Variants in WWOX observed in about 807,000 individuals in gnomAD.
WWOX encodes the protein WW domain containing oxidoreductase.
Under a neutral mutation model 46.2 loss-of-function variants are expected in WWOX, and 69 were observed. That is an observed-to-expected ratio of 1.49 (90% confidence interval 1.23 to 1.82). WWOX has a LOEUF of 1.82. Ranked by LOEUF, WWOX falls within the 40% of genes most tolerant of loss-of-function variation. WWOX has a pLI of 0.00. For synonymous variants in WWOX, 359 were observed against 202.6 expected, an observed-to-expected ratio of 1.77 and a Z score of -6.56; for missense variants, 919 against 542.6, an observed-to-expected ratio of 1.69 and a Z score of -6.89.
intron 8 of WWOX, among the ~76,000 whole-genome samples, chr16:78,910,237 A>C (rs2045073695): frequency 6.7e-6 from 1 of 150,166 alleles, no homozygotes. Flanking sequence ...GGAGATTTAC[A>C]AGCCAGTGCA....
chr16:78,535,197 A>G (rs567938221), intron 8 of WWOX: 4 of 152,342 alleles, frequency 2.6e-5, no homozygotes, highest in African/African-American at 9.6e-5. Flanking sequence ...GCAGATGGAC[A>G]CAGGATCTGC....
intron 8 of WWOX, among the ~76,000 whole-genome samples, chr16:78,669,555 C>G (rs1313756136): frequency 2.0e-5 from 3 of 152,194 alleles, no homozygotes; most frequent in Non-Finnish European, 4.4e-5. Context: ...TTACCTACCC[C>G]CAAAATGTCA....
chr16:78,364,838 C>G (rs1193527073), intron 5 of WWOX, among the ~76,000 whole-genome samples: 2 of 152,278 alleles, frequency 1.3e-5, no homozygotes, highest in East Asian at 3.9e-4. Context: ...AAGGTGTTTT[C>G]TGTGCTTTTT....
intron 4 of WWOX, among the ~76,000 whole-genome samples, chr16:78,135,698 A>G (rs1347716029): frequency 6.6e-6 from 1 of 152,036 alleles, no homozygotes; most frequent in Non-Finnish European, 1.5e-5. Context: ...AAAAAACAAA[A>G]CAACAACAAC....
intron 8 of WWOX, among the ~76,000 whole-genome samples, chr16:78,991,140 C>G (rs1347440100): frequency 1.3e-5 from 2 of 152,188 alleles, no homozygotes; most frequent in South Asian, 4.1e-4. Flanking sequence ...CTTACTAAGT[C>G]ATTGATGGCA....
At chr16:78,310,361 G>A (rs1402337692) in intron 5 of WWOX, among the ~76,000 whole-genome samples, 1 of 152,170 alleles carries the variant, frequency 6.6e-6, no homozygotes, top group Non-Finnish European at 1.5e-5. Flanking sequence ...CACACAGCCT[G>A]CACTATGTTT....
At chr16:78,493,739 G>C (rs991651182) in intron 8 of WWOX, among the ~76,000 whole-genome samples, 1 of 152,138 alleles carries the variant, frequency 6.6e-6, no homozygotes, top group African/African-American at 2.4e-5. Context: ...CCCCATTGTA[G>C]AGATGAGAAA....
chr16:78,388,389 G>C (rs1436527379), intron 6 of WWOX, among the ~76,000 whole-genome samples: 1 of 152,138 alleles, frequency 6.6e-6, no homozygotes, highest in Admixed American at 6.5e-5. Flanking sequence ...GCTTATGCCT[G>C]TAATCCCAGC....
Position 78,624,597 on chromosome 16 carries a change from T to G in WWOX, c.1056+191845T>G, listed in dbSNP as rs2046267574. Among the ~76,000 whole-genome samples the G allele has an allele frequency of 3.3e-5, 5 of 152,336 alleles. 1 individual carries two copies. In the South Asian group the frequency reaches 1.0e-3, roughly 32 times the overall value. On this transcript the variant is annotated intron_variant, in intron 8 of 8. Transcript: ENST00000566780. ...TAATAGCATACTGAACCCATCTAAC[T>G]TGGCAGAAATTCAGAAAATCACTCA... is the stretch of plus-strand genomic sequence containing the variant.
At chr16:79,049,141 G>C (rs972863024) in intron 8 of WWOX, among the ~76,000 whole-genome samples, 3 of 152,198 alleles carry the variant, frequency 2.0e-5, no homozygotes, top group Admixed American at 2.0e-4. Context: ...TTTAGACTTT[G>C]TGACCCATAC....
At chr16:79,105,050 A>G (rs1289634260) in intron 8 of WWOX, among the ~76,000 whole-genome samples, 2 of 152,118 alleles carry the variant, frequency 1.3e-5, no homozygotes, top group African/African-American at 4.8e-5. Context: ...TTCAGTTTAC[A>G]AAAGTGGAAA....
At chr16:78,554,960 G>A (rs76316929) in intron 8 of WWOX, among the ~76,000 whole-genome samples, 1,611 of 152,164 alleles carry the variant, frequency 0.011, 24 homozygotes, top group African/African-American at 0.036. Flanking sequence ...CTCCCACAAA[G>A]CACTGAGTAA....
intron 8 of WWOX, among the ~76,000 whole-genome samples, chr16:78,886,543 C>T (rs2044461714): frequency 6.6e-6 from 1 of 151,372 alleles, no homozygotes; most frequent in Non-Finnish European, 1.5e-5. Context: ...TCTAGAATTT[C>T]ATCTCACATC....
chr16:78,655,713 C>T (rs1439577037), intron 8 of WWOX, among the ~76,000 whole-genome samples: 1 of 152,062 alleles, frequency 6.6e-6, no homozygotes, highest in African/African-American at 2.4e-5. Context: ...TTTACTATTT[C>T]CTGGCTGTGG....
rs973329465 is a variant in WWOX, at chr16:78,536,192, G to T, written c.1056+103440G>T. 2.0e-5 allele frequency among the ~76,000 whole-genome samples: 3 copies of T among 151,934 alleles called. No individual in the cohort carries two copies. In the South Asian group the frequency reaches 6.2e-4, roughly 32 times the overall value. On this transcript the variant is annotated intron_variant, in intron 8 of 8. Transcript: ENST00000566780. ...ACCACCCCCAGAGTACACATGCATG[G>T]GTGTAATTTGGTGCCATTCTCCTCC...
intron 8 of WWOX, among the ~76,000 whole-genome samples, chr16:78,476,934 T>C (rs569157301): frequency 6.6e-6 from 1 of 152,190 alleles, no homozygotes; most frequent in South Asian, 2.1e-4. Flanking sequence ...CCGTCCTTCC[T>C]CCTTCAGTTC....
intron 8 of WWOX, among the ~76,000 whole-genome samples, chr16:79,135,343 G>A (rs1597405900): frequency 1.3e-5 from 2 of 151,818 alleles, no homozygotes; most frequent in Admixed American, 1.3e-4. Context: ...TAATTTTATG[G>A]ATTACATTTA....
intron 5 of WWOX, among the ~76,000 whole-genome samples, chr16:78,317,857 C>A (rs535619761): frequency 6.6e-6 from 1 of 152,282 alleles, no homozygotes; most frequent in South Asian, 2.1e-4. Context: ...TACTATCATT[C>A]ATTTTCACTC....
Position 78,431,683 on chromosome 16 carries a change from A to G in WWOX, c.792-805A>G, listed in dbSNP as rs536850280. Among the ~76,000 whole-genome samples the G allele has an allele frequency of 2.1e-3, 253 of 123,314 alleles. 1 individual carries two copies. The highest frequency in any genetic ancestry group is 7.2e-3 in the African/African-American group (233 of 32,514). 80.9% of individuals were successfully genotyped at this position (123,314 alleles called of 152,430 possible). ...GGTCTTTATTGAAGTCTCTCTTTGT[A>G]GCCAATCCTTTTTTTTTTTTTAATT... On this transcript the variant is annotated intron_variant, in intron 7 of 8. Coordinates refer to ENST00000566780, the MANE Select transcript of WWOX (RefSeq NM_016373.4).
Sources: allele counts gnomAD v4.1 joint callset (sites outside exome capture counted in the v4.1 genomes callset), GRCh38; gene constraint gnomAD v4.1.1; transcripts MANE v1.5; gene names NCBI Gene and HGNC (gene_info 2026-07-23, HGNC 2026-07-21).